Variants in SLCO1C1 observed in about 807,000 individuals in gnomAD.
SLCO1C1 encodes solute carrier organic anion transporter family member 1C1, also known as OAT-RP-5.
In SLCO1C1, 70 loss-of-function variants were observed where a neutral mutation model predicts 76.4. The observed-to-expected ratio is 0.92, with a 90% CI of 0.76 to 1.12. SLCO1C1 has a LOEUF of 1.12. Ranked by LOEUF, SLCO1C1 falls within the 50% of genes most tolerant of loss-of-function variation. SLCO1C1 has a pLI of 0.00. For synonymous variants in SLCO1C1, 306 were observed against 286.1 expected (o/e 1.07, Z -0.70); for missense variants, 912 against 823.8 (o/e 1.11, Z -1.31).
Position 20,717,644 on chromosome 12 carries a change from C to G in SLCO1C1, c.775+414C>G, listed in dbSNP as rs868084535. ...TAAAGTCTACTGGCAACCAAACAGC[C>G]CTTCTTTTTTTTTTTTTTTTTTTTT... On this transcript the variant is annotated intron_variant, in intron 7 of 14. Transcript: ENST00000266509. Among the ~76,000 whole-genome samples, 512 of 106,388 alleles carry G rather than the reference C, an allele frequency of 4.8e-3. 8 individuals carry two copies. The highest frequency in any genetic ancestry group is 0.019 in the African/African-American group (491 of 25,870). The allele number at this position is 106,388 out of a possible 152,430, so 69.8% of individuals were successfully genotyped here. A position where few individuals can be genotyped will look rare whatever the true frequency, so the allele number is the denominator to read the frequency against.
At chr12:20,698,891 G>A (rs536927929) in intron 1 of SLCO1C1, among the ~76,000 whole-genome samples, 1 of 151,968 alleles carries the variant, frequency 6.6e-6, no homozygotes, top group Non-Finnish European at 1.5e-5. Context: ...TGTGAGGGGC[G>A]GTGGGAAATT....
chr12:20,742,083 T>C (rs572440689), intron 12 of SLCO1C1, among the ~76,000 whole-genome samples: 71 of 152,264 alleles, frequency 4.7e-4, no homozygotes, highest in Middle Eastern at 6.8e-3. Context: ...TCACCAAATA[T>C]GGGAAATACA....
In SLCO1C1 at chr12:20,733,759, T is replaced by C. The variant is rs1349653593; in HGVS notation, c.1382+655T>C. 2.0e-5 allele frequency among the ~76,000 whole-genome samples: 3 copies of C among 152,150 alleles called. No homozygotes were observed. The East Asian group carries it at 5.8e-4, about 29-fold the overall frequency. ...TGTCTTGCAATTGGTCAGGAGAATA[T>C]TTAGTGATGCCTTCAGGCCTCTCAT... On this transcript the variant is annotated intron_variant, in intron 10 of 14. Transcript: ENST00000266509.
chr12:20,707,185 C>T (rs889757344), intron 4 of SLCO1C1, among the ~76,000 whole-genome samples: 2 of 152,056 alleles, frequency 1.3e-5, no homozygotes, highest in Non-Finnish European at 2.9e-5. Context: ...GGCACTTCTG[C>T]CTGCTCTTTG....
chr12:20,730,291 T>C (rs1168809899), intron 9 of SLCO1C1, among the ~76,000 whole-genome samples: 2 of 152,178 alleles, frequency 1.3e-5, no homozygotes, highest in African/African-American at 4.8e-5. Flanking sequence ...CTATGTTTTA[T>C]ATATTCAGTG....
intron 13 of SLCO1C1, among the ~76,000 whole-genome samples, chr12:20,749,262 T>C (rs1565550184): frequency 6.6e-6 from 1 of 152,110 alleles, no homozygotes; most frequent in Non-Finnish European, 1.5e-5. Flanking sequence ...GAAGAAAACA[T>C]ATACAAAAAA....
intron 9 of SLCO1C1, 111 bp from the exon 10 acceptor site, chr12:20,732,798 G>A (rs1948350913): frequency 3.6e-6 from 4 of 1,103,028 alleles, no homozygotes; most frequent in Non-Finnish European, 5.2e-6. Flanking sequence ...GTAGATGATA[G>A]TGACTATTTC....
Position 20,721,999 on chromosome 12 carries a change from A to C in SLCO1C1, c.971A>C (p.Asp324Ala). Residue 324 changes from aspartate to alanine, a missense_variant, in exon 8 of 15, where the codon GAC (aspartate) becomes GCC (alanine). Coordinates refer to ENST00000266509, the MANE Select transcript of SLCO1C1 (RefSeq NM_017435.5). ...KSKFIIDDHT[D>A]YQTPQGENAK... ...AAGTTTATTATAGATGATCACACAG[A>C]CTACCAAACACCCCAGGGAGAAAAT... is the stretch of plus-strand genomic sequence containing the variant. 1 of 1,614,156 alleles carries C rather than the reference A, an allele frequency of 6.2e-7. No homozygotes were observed. Among genetic ancestry groups the C allele is most frequent in the South Asian group, 1.1e-5 (1 of 91,084 alleles).
chr12:20,698,816 G>A (rs1402715734), intron 1 of SLCO1C1, among the ~76,000 whole-genome samples: 1 of 151,988 alleles, frequency 6.6e-6, no homozygotes, highest in African/African-American at 2.4e-5. Context: ...AAAGAAGTAG[G>A]GGCACAGGAT....
intron 11 of SLCO1C1, among the ~76,000 whole-genome samples, chr12:20,737,624 C>T (rs933487667): frequency 5.9e-5 from 9 of 152,040 alleles, no homozygotes; most frequent in Admixed American, 2.6e-4. Flanking sequence ...CCCTAAGATC[C>T]GTGGTCCTTG....
intron 9 of SLCO1C1, among the ~76,000 whole-genome samples, chr12:20,730,224 T>C (rs1948206106): frequency 1.3e-5 from 2 of 152,226 alleles, no homozygotes; most frequent in African/African-American, 4.8e-5. Flanking sequence ...AGAGAAAATG[T>C]AGGACCCTGC....
At chr12:20,721,015 A>AG (rs1367394495) in intron 7 of SLCO1C1, among the ~76,000 whole-genome samples, 40 of 151,818 alleles carry the variant, frequency 2.6e-4, no homozygotes, top group Non-Finnish European at 5.0e-4. Flanking sequence ...AAAAAAAAAA[A>AG]AAAAGCTTAA....
chr12:20,730,927 G>A (rs988048804), intron 9 of SLCO1C1, among the ~76,000 whole-genome samples: 3 of 152,072 alleles, frequency 2.0e-5, no homozygotes, highest in African/African-American at 7.2e-5. Context: ...GCCCAAGAGA[G>A]TTTGCTGCCC....
chr12:20,740,438 T>A, intron 12 of SLCO1C1, 70 bp downstream of exon 12: 1 of 1,428,842 alleles, frequency 7.0e-7, no homozygotes, highest in Non-Finnish European at 9.5e-7. Flanking sequence ...ATTTAAATTT[T>A]TTTCTGTGGA....
In SLCO1C1 at chr12:20,721,946, G is replaced by C. The variant is rs1947696195; in HGVS notation, c.918G>C (p.Glu306Asp). 6.2e-7 allele frequency: 1 copy of C among 1,613,944 alleles called. No individual in the cohort carries two copies. The highest frequency in any genetic ancestry group is 1.3e-5 in the African/African-American group (1 of 74,882). ...GTTTACCAAGATCCCAAAGTAGAGAGGATTCTAATTCTTCCTCTGAGAAAT... is the reference window on the plus strand; with the variant it reads ...GTTTACCAAGATCCCAAAGTAGAGACGATTCTAATTCTTCCTCTGAGAAAT... ...PKSLPRSQSR[E>D]DSNSSSEKSK... Residue 306 changes from glutamate (E) to aspartate (D), a missense_variant, in exon 8 of 15, where the codon GAG (glutamate) becomes GAC (aspartate). Transcript: ENST00000266509.
At chr12:20,711,573 A>G in intron 5 of SLCO1C1, 63 bp downstream of exon 5, 1 of 1,548,116 alleles carries the variant, frequency 6.5e-7, no homozygotes, top group Non-Finnish European at 8.8e-7. Flanking sequence ...TATGTGCTTT[A>G]GGATGGACAA....
chr12:20,719,217 A>G (rs536360206), intron 7 of SLCO1C1, among the ~76,000 whole-genome samples: 4 of 151,962 alleles, frequency 2.6e-5, no homozygotes, highest in Non-Finnish European at 5.9e-5. Context: ...GTGCCCATAT[A>G]AGACAGCAAA....
chr12:20,723,317 G>T lies in SLCO1C1; in HGVS notation c.1186+63G>T, dbSNP rs1400220480. The T allele has an allele frequency of 1.1e-5, 17 of 1,542,938 alleles. No homozygotes were observed. In the South Asian group the frequency reaches 1.9e-4, roughly 17 times the overall value. On this transcript the variant is annotated intron_variant, in intron 9 of 14. Transcript: ENST00000266509. ...TGTCTTAGAGGTACCTGATTAACTC[G>T]GGAATCTTCGAGAAGATTCTTCCAA...
chr12:20,743,827 C>A (rs1308274598), intron 13 of SLCO1C1, among the ~76,000 whole-genome samples: 4 of 151,766 alleles, frequency 2.6e-5, no homozygotes, highest in Admixed American at 1.3e-4. Flanking sequence ...ATTATTTAAA[C>A]CATGCAAATA....
Sources: allele counts gnomAD v4.1 joint callset (sites outside exome capture counted in the v4.1 genomes callset), GRCh38; gene constraint gnomAD v4.1.1; transcripts MANE v1.5; gene names NCBI Gene and HGNC (gene_info 2026-07-23, HGNC 2026-07-21).